ABCC9: variants seen among roughly 807,000 people sequenced by gnomAD.
The protein encoded by ABCC9 is ATP-binding cassette sub-family C member 9.
Under a neutral mutation model 188.3 loss-of-function variants are expected in ABCC9, and 95 were observed. That is an observed-to-expected ratio of 0.50 (90% CI 0.43 to 0.60). The LOEUF (loss-of-function observed/expected upper bound fraction) is 0.60. ABCC9 is among the 20% of genes least tolerant of loss of function. The pLI is 0.00. For synonymous variants in ABCC9, 659 were observed against 652.7 expected (o/e 1.01, Z -0.15); for missense variants, 1,102 against 1,876.3 (o/e 0.59, Z 7.62).
rs1941329104 is a variant in ABCC9, at chr12:21,799,414, A to G, written c.*1630T>C. On this transcript the variant is annotated 3_prime_UTR_variant, in exon 40 of 40. Transcript: ENST00000261200. ...GAGAGTGGTTGAATTTTTAGAAAAT[A>G]TTTGCAAGACATAATTAATGAGTAC... is the stretch of plus-strand genomic sequence containing the variant. 6.6e-6 allele frequency: 1 copy of G among 152,156 alleles called. No individual in the cohort carries two copies. Among genetic ancestry groups the G allele is most frequent in the Non-Finnish European group, 1.5e-5 (1 of 68,014 alleles). 9.4% of individuals were successfully genotyped at this position (152,156 alleles called of 1,614,324 possible). A position where few individuals can be genotyped will look rare whatever the true frequency, so the allele number is the denominator to read the frequency against.
chr12:21,880,998 T>C (rs1004191378), intron 16 of ABCC9, among the ~76,000 whole-genome samples: 3 of 152,102 alleles, frequency 2.0e-5, no homozygotes, highest in Non-Finnish European at 2.9e-5. Context: ...TTATAAAATA[T>C]AGGTGAATTA....
intron 12 of ABCC9, among the ~76,000 whole-genome samples, chr12:21,905,192 G>A (rs1315338424): frequency 6.6e-6 from 1 of 152,080 alleles, no homozygotes; most frequent in Non-Finnish European, 1.5e-5. Context: ...AACACCACAT[G>A]TTCTCACTCA....
intron 15 of ABCC9, among the ~76,000 whole-genome samples, chr12:21,887,004 A>C (rs951558530): frequency 6.6e-6 from 1 of 152,120 alleles, no homozygotes; most frequent in Non-Finnish European, 1.5e-5. Flanking sequence ...TCACACAGTG[A>C]AACTATGTTA....
chr12:21,903,818 A>T (rs375820004), intron 12 of ABCC9, among the ~76,000 whole-genome samples: 126 of 152,334 alleles, frequency 8.3e-4, no homozygotes, highest in South Asian at 7.3e-3. Flanking sequence ...ATGCTCATGG[A>T]TAGGAAGAAT....
At chr12:21,850,821 ATTCCTAAGCAGGCAC>A (rs1944926163) in intron 24 of ABCC9, among the ~76,000 whole-genome samples, 3 of 152,092 alleles carry the variant, frequency 2.0e-5, no homozygotes, top group Non-Finnish European at 4.4e-5. Flanking sequence ...CCACAGCACA[ATTCCTAAGCAGGCAC>A]TTGTCAACTG....
At chr12:21,813,672 G>A (rs778969118) in intron 35 of ABCC9, among the ~76,000 whole-genome samples, 9 of 152,102 alleles carry the variant, frequency 5.9e-5, no homozygotes, top group Non-Finnish European at 1.2e-4. Flanking sequence ...AGTCCTTAAA[G>A]TATCTGTGCA....
intron 30 of ABCC9, 63 bp from the exon 31 acceptor site, chr12:21,829,123 C>T: frequency 1.1e-6 from 1 of 940,754 alleles, no homozygotes; most frequent in Non-Finnish European, 1.6e-6. Context: ...AACAGTCACA[C>T]TTATTACTAC....
In ABCC9 at chr12:21,884,673, G is replaced by T. The variant is rs142579654; in HGVS notation, c.1912-1800C>A. On this transcript the variant is annotated intron_variant, in intron 15 of 39. Coordinates refer to ENST00000261200, the MANE Select transcript of ABCC9 (RefSeq NM_020297.4). Reference sequence around the variant, plus strand: ...CACCCAAACTATCAAATAGTACATTGCTAGGCTACATGCAAATAAATACAC... The same window carrying T: ...CACCCAAACTATCAAATAGTACATTTCTAGGCTACATGCAAATAAATACAC... 1.6e-4 allele frequency among the ~76,000 whole-genome samples: 25 copies of T among 152,220 alleles called. 1 individual carries two copies. In the East Asian group the frequency reaches 4.6e-3, roughly 28 times the overall value.
At chr12:21,876,928 T>C (rs1319321729) in intron 16 of ABCC9, among the ~76,000 whole-genome samples, 1 of 152,198 alleles carries the variant, frequency 6.6e-6, no homozygotes, top group African/African-American at 2.4e-5. Context: ...AAGGCTAGCT[T>C]ATGTTTGTCC....
chr12:21,844,633 A>G, intron 27 of ABCC9, 81 bp from the exon 28 acceptor site: 2 of 1,553,680 alleles, frequency 1.3e-6, no homozygotes, highest in Middle Eastern at 1.7e-4. Flanking sequence ...TCTTAGTGTC[A>G]TGAAAATGAG....
At chr12:21,801,722 C>T (rs1298632236) in intron 39 of ABCC9, among the ~76,000 whole-genome samples, 4 of 152,170 alleles carry the variant, frequency 2.6e-5, no homozygotes, top group African/African-American at 9.7e-5. Flanking sequence ...CTGCCACTGA[C>T]CCATTCCTTC....
chr12:21,798,507 GTTGT>G lies in ABCC9; in HGVS notation c.*2533_*2536del, dbSNP rs542427716. The G allele has an allele frequency of 5.3e-3, 801 of 150,288 alleles. 8 individuals are homozygous for G. Among genetic ancestry groups the G allele is most frequent in the African/African-American group, 0.018 (744 of 40,590 alleles). The allele number at this position is 150,288 out of a possible 1,614,324, so 9.3% of individuals were successfully genotyped here. ...TGTCCTTCACCCACTTTTTGATGGG[GTTGT>G]TTGTTTTTTTCTTGTAAATTTGTTT... On this transcript the variant is annotated 3_prime_UTR_variant, in exon 40 of 40. Transcript: ENST00000261200.
At chr12:21,875,159 C>G (rs1946278485) in intron 17 of ABCC9, among the ~76,000 whole-genome samples, 1 of 152,144 alleles carries the variant, frequency 6.6e-6, no homozygotes, top group South Asian at 2.1e-4. Context: ...ATGGTTTTCA[C>G]AGGTATACAC....
chr12:21,870,405 C>A (rs1023053280), intron 18 of ABCC9, among the ~76,000 whole-genome samples: 6 of 152,152 alleles, frequency 3.9e-5, no homozygotes, highest in South Asian at 2.1e-4. Context: ...TACAGGCATG[C>A]ATCACCATGA....
intron 10 of ABCC9, among the ~76,000 whole-genome samples, chr12:21,909,474 G>A (rs1394165221): frequency 1.3e-5 from 2 of 151,884 alleles, no homozygotes; most frequent in African/African-American, 2.4e-5. Flanking sequence ...AGTTTATACA[G>A]AGGAAAAAAC....
intron 31 of ABCC9, among the ~76,000 whole-genome samples, chr12:21,826,336 C>T (rs991476964): frequency 2.6e-5 from 4 of 151,960 alleles, no homozygotes; most frequent in African/African-American, 9.7e-5. Context: ...CAGTTCACAC[C>T]CTAGTCTCCA....
rs1167671415 is a variant in ABCC9 at position 21,878,763 on chromosome 12, TG to T, written c.2020-3038del. ...AAGAATGCAATGTCACCTTCTGATT[TG>T]GTGCTACATTGAAGTAAAAGAAGGA... On this transcript the variant is annotated intron_variant, in intron 16 of 39. Transcript: ENST00000261200. 5.1e-5 allele frequency among the ~76,000 whole-genome samples: 7 copies of T among 138,402 alleles called. No individual in the cohort carries two copies. The Admixed American group carries it at 5.4e-4, about 11-fold the overall frequency. 90.8% of individuals were successfully genotyped at this position (138,402 alleles called of 152,430 possible).
chr12:21,932,776 C>T (rs143139129), intron 4 of ABCC9, among the ~76,000 whole-genome samples: 3 of 152,138 alleles, frequency 2.0e-5, no homozygotes, highest in Non-Finnish European at 4.4e-5. Flanking sequence ...AATACTTATG[C>T]ACCATTTGTT....
At chr12:21,845,523 C>T (rs192843076) in intron 26 of ABCC9, 80 bp downstream of exon 26, 12 of 1,092,302 alleles carry the variant, frequency 1.1e-5, no homozygotes, top group Non-Finnish European at 1.5e-5. Flanking sequence ...GGGATATAAG[C>T]ATCTAACTAG....
Sources: allele counts gnomAD v4.1 joint callset (sites outside exome capture counted in the v4.1 genomes callset), GRCh38; gene constraint gnomAD v4.1.1; transcripts MANE v1.5; gene names NCBI Gene and HGNC (gene_info 2026-07-23, HGNC 2026-07-21).